The following MACF1 variants were observed in gnomAD, a reference collection of about 807,000 sequenced individuals.
The protein encoded by MACF1 is microtubule-actin cross-linking factor 1.
MACF1 carries 193 observed loss-of-function variants against 854.8 expected under a neutral mutation model. The observed-to-expected ratio is 0.23, with a 90% confidence interval of 0.20 to 0.25. The LOEUF is 0.25. Among genes scored for constraint, MACF1 ranks in the 10% least tolerant of loss-of-function variants. MACF1 has a pLI of 1.00. For synonymous variants in MACF1, 3,185 were observed against 3,226.7 expected, an observed-to-expected ratio of 0.99 and a Z score of 0.44; for missense variants, 7,722 against 8,929.1, an observed-to-expected ratio of 0.86 and a Z score of 5.45.
intron 42 of MACF1, 30 bp from the exon 43 acceptor site, chr1:39,350,755 G>A (rs181803782): frequency 1.3e-6 from 2 of 1,545,820 alleles, no homozygotes; most frequent in Non-Finnish European, 1.8e-6. Context: ...AAAGTCGAAG[G>A]CTCTGCCATT....
chr1:39,297,136 C>T (rs1645939069), intron 20 of MACF1, among the ~76,000 whole-genome samples: 1 of 152,076 alleles, frequency 6.6e-6, no homozygotes, highest in Admixed American at 6.5e-5. Context: ...CCATGTTAGC[C>T]AAGAAGGTCT....
At chr1:39,432,687 T>A in intron 67 of MACF1, 33 bp downstream of exon 67, 4 of 1,603,152 alleles carry the variant, frequency 2.5e-6, no homozygotes, top group Non-Finnish European at 3.4e-6. Flanking sequence ...GCTAATAGAA[T>A]CATCAGTAAC....
In MACF1 at chr1:39,447,504, A is replaced by C; in HGVS notation, c.19678A>C (p.Thr6560Pro). ...NSLQEFINWLTLAEQSLNIAS... is the reference protein window; with the variant it reads ...NSLQEFINWLPLAEQSLNIAS... ...CCTACAAGAATTTATCAACTGGCTC[A>C]CTCTAGCAGAGCAGAGTTTAAACAT... Residue 6560 changes from threonine to proline, a missense_variant, in exon 81 of 101, where the codon ACT (threonine) becomes CCT (proline). This residue lies in a region of MACF1 where 729 missense variants were observed against 900.5 expected (regional missense o/e 0.81). Coordinates refer to ENST00000564288, the MANE Select transcript of MACF1 (RefSeq NM_001394062.1). 1 of 1,614,148 alleles carries C rather than the reference A, an allele frequency of 6.2e-7. No homozygotes were observed.
chr1:39,458,594 C>T (rs969819379), intron 90 of MACF1, 104 bp downstream of exon 90: 14 of 1,420,330 alleles, frequency 9.9e-6, no homozygotes, highest in South Asian at 9.6e-5. Context: ...TTTCAAAAAC[C>T]GTGTTGGTTT....
chr1:39,453,607 G>A (rs1394981431), intron 87 of MACF1, 100 bp from the exon 88 acceptor site: 4 of 1,058,050 alleles, frequency 3.8e-6, no homozygotes, highest in Non-Finnish European at 5.7e-6. Context: ...AACACATGGA[G>A]GAAAAAGAAA....
rs751437394 is a variant in MACF1, at chr1:39,284,442, T to TA, written c.1131+14_1131+15insA. ...AAATTACTAGAGGTAAGTGAGCTTATCCTTTGCTGAGACTTGGGGTTTGCT... is the reference window on the plus strand; with the variant it reads ...AAATTACTAGAGGTAAGTGAGCTTATACCTTTGCTGAGACTTGGGGTTTGCT... On this transcript the variant is annotated intron_variant, in intron 11 of 100. Coordinates refer to ENST00000564288, the MANE Select transcript of MACF1 (RefSeq NM_001394062.1). The TA allele has an allele frequency of 1.2e-5, 18 of 1,542,736 alleles. No homozygotes were observed. In the East Asian group the frequency reaches 3.6e-4, roughly 31 times the overall value.
At chr1:39,458,250 C>A in intron 89 of MACF1, 120 bp from the exon 90 acceptor site, 1 of 874,886 alleles carries the variant, frequency 1.1e-6, no homozygotes, top group Non-Finnish European at 1.7e-6. Context: ...CAGGCACCAG[C>A]CTCCACACAG....
chr1:39,422,024 G>T (rs560664864), intron 58 of MACF1, among the ~76,000 whole-genome samples: 1 of 151,890 alleles, frequency 6.6e-6, no homozygotes, highest in African/African-American at 2.4e-5. Context: ...GCAGTGAGCC[G>T]AGATCACGCC....
rs865967661 is a variant in MACF1 at position 39,291,898 on chromosome 1, T to C, written c.1786-12T>C. 1.2e-6 allele frequency: 2 copies of C among 1,610,920 alleles called. No homozygotes were observed. Among genetic ancestry groups the C allele is most frequent in the Middle Eastern group, 3.3e-4 (2 of 5,976 alleles). ...AGTAAATTATGTCATATATATATTT[T>C]TTCTTTTTCAGATGAAACTGGAGCG... is the stretch of plus-strand genomic sequence containing the variant. On this transcript the variant is annotated splice_polypyrimidine_tract_variant and intron_variant, in intron 15 of 100. Transcript: ENST00000564288.
Position 39,332,392 on chromosome 1 carries a change from C to T in MACF1, c.5804C>T (p.Ala1935Val), listed in dbSNP as rs1019687103. Residue 1935 changes from alanine (A) to valine (V), a missense_variant, in exon 37 of 101, where the codon GCA becomes GTA. By Grantham distance (64) the Ala-to-Val change is moderately conservative. Coordinates refer to ENST00000564288, the MANE Select transcript of MACF1 (RefSeq NM_001394062.1). ...VMPHMQLADS[A>V]EQNINPGAAV... The stretch of plus-strand genomic sequence containing the variant: ...CCCCACATGCAACTAGCAGACTCTG[C>T]AGAACAAAATATTAATCCTGGAGCA... 2.5e-6 allele frequency: 4 copies of T among 1,614,054 alleles called. No individual in the cohort carries two copies. Among genetic ancestry groups the T allele is most frequent in the Non-Finnish European group, 3.4e-6 (4 of 1,180,020 alleles).
At chr1:39,167,143 G>T (rs1571124897) in intron 2 of MACF1, among the ~76,000 whole-genome samples, 1 of 151,540 alleles carries the variant, frequency 6.6e-6, no homozygotes. Context: ...TGTATTTTTA[G>T]TAGAGACAGG....
chr1:39,453,635 C>G (rs753107763), intron 87 of MACF1, 72 bp from the exon 88 acceptor site: 17 of 1,311,268 alleles, frequency 1.3e-5, no homozygotes, highest in Non-Finnish European at 1.9e-5. Flanking sequence ...AATTTATCCC[C>G]CCTCAGTGTA....
chr1:39,181,709 T>C (rs1278667556), intron 2 of MACF1, among the ~76,000 whole-genome samples: 1 of 152,186 alleles, frequency 6.6e-6, no homozygotes, highest in East Asian at 1.9e-4. Flanking sequence ...GGGATAGACA[T>C]ATAGATCAAT....
intron 14 of MACF1, among the ~76,000 whole-genome samples, chr1:39,286,252 G>T (rs369352662): frequency 6.6e-6 from 1 of 151,958 alleles, no homozygotes; most frequent in Non-Finnish European, 1.5e-5. Flanking sequence ...GGGTTCAAGC[G>T]ATCCTCCTGC....
chr1:39,295,089 C>G lies in MACF1; in HGVS notation c.2198C>G (p.Ser733Cys). Residue 733 changes from serine to cysteine, a missense_variant, in exon 19 of 101, where the codon TCT becomes TGT. Ser to Cys is a moderately radical substitution (Grantham distance 112, BLOSUM62 -1). Coordinates refer to ENST00000564288, the MANE Select transcript of MACF1 (RefSeq NM_001394062.1). ...GAGGAGAAACAGGATGTGTTTCGTT[C>G]TCTACAAGATACAGCAGAACTACTT... ...ELEEKQDVFR[S>C]LQDTAELLSL... 7 of 1,614,008 alleles carry G rather than the reference C, an allele frequency of 4.3e-6. No homozygotes were observed. Among genetic ancestry groups the G allele is most frequent in the Non-Finnish European group, 5.9e-6 (7 of 1,179,962 alleles).
intron 4 of MACF1, 47 bp downstream of exon 4, chr1:39,251,988 C>T (rs1343728934): frequency 1.2e-5 from 16 of 1,326,590 alleles, no homozygotes; most frequent in East Asian, 2.8e-5. Flanking sequence ...ACTGCTGGCA[C>T]TGCAGGGCCA....
chr1:39,288,293 T>C (rs1571272287), intron 15 of MACF1, among the ~76,000 whole-genome samples: 2 of 150,842 alleles, frequency 1.3e-5, no homozygotes, highest in Non-Finnish European at 3.0e-5. Flanking sequence ...GCTCAGGAGA[T>C]CGAGACCATC....
At chr1:39,163,725 C>G in intron 2 of MACF1, among the ~76,000 whole-genome samples, 1 of 152,286 alleles carries the variant, frequency 6.6e-6, no homozygotes, top group African/African-American at 2.4e-5. Context: ...CCTGTTACCA[C>G]ATACAGTCAA....
chr1:39,128,707 A>T (rs1472489764), intron 2 of MACF1, among the ~76,000 whole-genome samples: 1 of 152,144 alleles, frequency 6.6e-6, no homozygotes, highest in Non-Finnish European at 1.5e-5. Context: ...TCAAAAAAAA[A>T]AAAAGATTTC....
Sources: allele counts gnomAD v4.1 joint callset (sites outside exome capture counted in the v4.1 genomes callset), GRCh38; gene constraint gnomAD v4.1.1; regional missense constraint gnomAD v4.1.1; transcripts MANE v1.5; gene names NCBI Gene and HGNC (gene_info 2026-07-23, HGNC 2026-07-21).